Variants in CYSLTR2 observed in about 807,000 individuals in gnomAD.
CYSLTR2 encodes cysteinyl leukotriene receptor 2.
For synonymous variants in CYSLTR2, 179 were observed against 160.8 expected (o/e 1.11, Z -0.86); for missense variants, 398 against 411.9 (o/e 0.97, Z 0.29).
intron 1 of CYSLTR2, among the ~76,000 whole-genome samples, chr13:48,666,728 C>T (rs1953272305): frequency 6.6e-6 from 1 of 152,050 alleles, no homozygotes; most frequent in East Asian, 1.9e-4. Flanking sequence ...TTCTTCATCT[C>T]TAGGATTTCT....
intron 1 of CYSLTR2, among the ~76,000 whole-genome samples, chr13:48,677,635 G>A (rs2138877944): frequency 6.6e-6 from 1 of 152,262 alleles, no homozygotes; most frequent in South Asian, 2.1e-4. Flanking sequence ...GATGCACTGA[G>A]AGTAAGAGTC....
intron 2 of CYSLTR2, among the ~76,000 whole-genome samples, chr13:48,691,808 G>T (rs1006695170): frequency 6.6e-6 from 1 of 151,798 alleles, no homozygotes; most frequent in Non-Finnish European, 1.5e-5. Flanking sequence ...TTTAATCCTT[G>T]AAAGATATTT....
intron 4 of CYSLTR2, among the ~76,000 whole-genome samples, chr13:48,701,527 A>T (rs988785319): frequency 6.6e-6 from 1 of 152,258 alleles, no homozygotes; most frequent in African/African-American, 2.4e-5. Context: ...AATCTGGCTA[A>T]TATCCAGAAG....
intron 1 of CYSLTR2, among the ~76,000 whole-genome samples, chr13:48,660,531 A>G (rs1218816533): frequency 6.6e-6 from 1 of 152,156 alleles, no homozygotes; most frequent in African/African-American, 2.4e-5. Context: ...TGAGTCCATG[A>G]AAACAAGGCC....
At position 48,707,143 on chromosome 13, in the gene CYSLTR2, T is replaced by G; in HGVS notation, c.326T>G (p.Leu109Arg). The change falls in exon 5 of 5, where the codon CTG becomes CGG. Residue 109 changes from leucine to arginine, a missense_variant. Physicochemically the swap from Leu to Arg is moderately radical, Grantham distance 102. Transcript: ENST00000682523. The stretch of plus-strand genomic sequence containing the variant: ...GGCTCCAATTGGATATTTGGAGACC[T>G]GGCCTGCAGGATTATGTCTTATTCC... The part of the protein sequence containing the change: ...LRGSNWIFGD[L>R]ACRIMSYSLY... The G allele has an allele frequency of 1.2e-6, 2 of 1,614,188 alleles. No individual in the cohort carries two copies. The highest frequency in any genetic ancestry group is 1.7e-6 in the Non-Finnish European group (2 of 1,180,036).
chr13:48,701,713 A>G (rs1954352510), intron 4 of CYSLTR2, among the ~76,000 whole-genome samples: 1 of 152,232 alleles, frequency 6.6e-6, no homozygotes, highest in South Asian at 2.1e-4. Context: ...ACAATGAGAT[A>G]CCATCTCACA....
chr13:48,679,802 C>T (rs1442518248), intron 1 of CYSLTR2, among the ~76,000 whole-genome samples: 2 of 152,066 alleles, frequency 1.3e-5, no homozygotes, highest in African/African-American at 4.8e-5. Context: ...CAGGTTTGGC[C>T]AAGACAGATG....
In CYSLTR2 at chr13:48,707,354, G is replaced by T; in HGVS notation, c.537G>T (p.Glu179Asp). The T allele has an allele frequency of 6.2e-7, 1 of 1,614,062 alleles. No individual in the cohort carries two copies. Among genetic ancestry groups the T allele is most frequent in the Non-Finnish European group, 8.5e-7 (1 of 1,180,020 alleles). ...SSIMLLDSGS[E>D]QNGSVTSCLE... ...TAATGCTCCTGGACAGTGGCTCTGA[G>T]CAGAACGGCAGTGTCACATCATGCT... The change falls in exon 5 of 5, where the codon GAG becomes GAT. Residue 179 changes from glutamate (E) to aspartate (D), a missense_variant. By Grantham distance (45) the Glu-to-Asp change is conservative. Transcript: ENST00000682523.
chr13:48,663,672 T>C (rs529757743), intron 1 of CYSLTR2, among the ~76,000 whole-genome samples: 5 of 152,202 alleles, frequency 3.3e-5, no homozygotes, highest in Admixed American at 1.3e-4. Flanking sequence ...ACACTACTGA[T>C]GTTTGTATAT....
At position 48,707,810 on chromosome 13, in the gene CYSLTR2, G is replaced by A; in HGVS notation, c.993G>A (p.Lys331=). 6 of 1,550,604 alleles carry A rather than the reference G, an allele frequency of 3.9e-6. No homozygotes were observed. Among genetic ancestry groups the A allele is most frequent in the East Asian group, 2.3e-5 (1 of 44,404 alleles). ...RKGHPQKAKT[K]CVFPVSVWLR... ...GCCATCCACAGAAGGCAAAGACAAA[G>A]TGTGTTTTCCCTGTTAGTGTGTGGT... The change falls in exon 5 of 5, where the codon AAG becomes AAA. Residue 331 remains lysine (K), a synonymous_variant. Transcript: ENST00000682523.
intron 1 of CYSLTR2, among the ~76,000 whole-genome samples, chr13:48,673,935 T>C (rs1389242212): frequency 2.0e-5 from 3 of 152,202 alleles, no homozygotes; most frequent in Non-Finnish European, 4.4e-5. Flanking sequence ...TCTTTAAGAA[T>C]GTTGAATATT....
At chr13:48,688,831 G>T (rs138963965) in intron 1 of CYSLTR2, among the ~76,000 whole-genome samples, 1 of 152,072 alleles carries the variant, frequency 6.6e-6, no homozygotes, top group Non-Finnish European at 1.5e-5. Context: ...AGGAATCGCC[G>T]CACTGCCTTC....
rs759049153 is a variant in CYSLTR2 at position 48,707,116 on chromosome 13, G to T, written c.299G>T (p.Arg100Ile). The T allele has an allele frequency of 6.8e-6, 11 of 1,614,052 alleles. No individual in the cohort carries two copies. Among genetic ancestry groups the T allele is most frequent in the Non-Finnish European group, 9.3e-6 (11 of 1,180,044 alleles). ...TLPFRADYYL[R>I]GSNWIFGDLA... Reference sequence around the variant, plus strand: ...CCCTTCAGGGCTGACTATTATCTTAGAGGCTCCAATTGGATATTTGGAGAC... The same window carrying T: ...CCCTTCAGGGCTGACTATTATCTTATAGGCTCCAATTGGATATTTGGAGAC... Residue 100 changes from arginine to isoleucine, a missense_variant, in exon 5 of 5, where the codon AGA becomes ATA. Physicochemically the swap from Arg to Ile is moderately conservative, Grantham distance 97 (BLOSUM62 -3). Transcript: ENST00000682523.
Position 48,711,185 on chromosome 13 carries a change from G to A in CYSLTR2, c.*3327G>A, listed in dbSNP as rs973274249. The A allele has an allele frequency of 4.6e-5, 7 of 151,980 alleles. No individual in the cohort carries two copies. The highest frequency in any genetic ancestry group is 1.0e-4 in the Non-Finnish European group (7 of 68,008). The allele number at this position is 151,980 out of a possible 1,614,324, so 9.4% of individuals were successfully genotyped here. A position where few individuals can be genotyped will look rare whatever the true frequency, so the allele number is the denominator to read the frequency against. On this transcript the variant is annotated 3_prime_UTR_variant, in exon 5 of 5. Transcript: ENST00000682523. ...TAACTTGTGAATATGTATTTCTGAA[G>A]TAAAATAAAAATTAAGTTAAAATTA...
intron 4 of CYSLTR2, among the ~76,000 whole-genome samples, chr13:48,703,387 A>T (rs896826317): frequency 6.6e-6 from 1 of 152,136 alleles, no homozygotes; most frequent in Non-Finnish European, 1.5e-5. Context: ...GCATCCTTGC[A>T]TTGCTCCTGA....
intron 1 of CYSLTR2, among the ~76,000 whole-genome samples, chr13:48,664,758 T>G (rs552116300): frequency 6.6e-6 from 1 of 152,138 alleles, no homozygotes; most frequent in South Asian, 2.1e-4. Flanking sequence ...TCCATTTTGT[T>G]TACCTTTTCA....
intron 1 of CYSLTR2, among the ~76,000 whole-genome samples, chr13:48,689,962 G>A (rs1003991819): frequency 1.1e-4 from 16 of 152,182 alleles, no homozygotes; most frequent in Admixed American, 1.0e-3. Context: ...CCTTGAGGAG[G>A]TCCTTCACAT....
At chr13:48,689,220 G>C (rs1325002134) in intron 1 of CYSLTR2, among the ~76,000 whole-genome samples, 1 of 152,154 alleles carries the variant, frequency 6.6e-6, no homozygotes, top group African/African-American at 2.4e-5. Context: ...TGTTCACTCT[G>C]ATGATAGTTG....
At position 48,654,284 on chromosome 13, in the gene CYSLTR2, TGTGTGTGTGTGTGTGTGTGTGA is replaced by T. The variant is rs1397367141; in HGVS notation, c.-266+288_-266+309del. On this transcript the variant is annotated intron_variant, in intron 1 of 4. Coordinates refer to ENST00000682523, the MANE Select transcript of CYSLTR2 (RefSeq NM_001308476.3). ...GTGTGTGTGTGTGTGTGTGTGTGTGTGTGTGTGTGTGTGTGTGTGTGAGTGTGTGTGTGTGTGTGTGTATGCA... is the reference window on the plus strand; with the variant it reads ...GTGTGTGTGTGTGTGTGTGTGTGTGTGTGTGTGTGTGTGTGTGTGTATGCA... Among the ~76,000 whole-genome samples the T allele has an allele frequency of 7.1e-3, 852 of 120,040 alleles. 4 individuals are homozygous for T. The highest frequency in any genetic ancestry group is 0.015 in the Middle Eastern group (4 of 264). 78.8% of individuals were successfully genotyped at this position (120,040 alleles called of 152,430 possible). A position where few individuals can be genotyped will look rare whatever the true frequency, so the allele number is the denominator to read the frequency against.
Sources: allele counts gnomAD v4.1 joint callset (sites outside exome capture counted in the v4.1 genomes callset), GRCh38; gene constraint gnomAD v4.1.1; transcripts MANE v1.5; gene names NCBI Gene and HGNC (gene_info 2026-07-23, HGNC 2026-07-21).